The following SLC2A10 variants were observed in gnomAD, a reference collection of about 807,000 sequenced individuals.
SLC2A10 encodes solute carrier family 2 member 10.
In SLC2A10, 25 loss-of-function variants were observed where a neutral mutation model predicts 32.1. The observed-to-expected ratio is 0.78, with a 90% CI of 0.57 to 1.09. SLC2A10 has a LOEUF of 1.09. Among genes scored for constraint, SLC2A10 ranks in the 50% least tolerant of loss-of-function variants. The probability of loss-of-function intolerance (pLI) is 0.00; values close to 1 mark genes in which losing one functional copy is unlikely to be tolerated. For synonymous variants in SLC2A10, 332 were observed against 309.6 expected (o/e 1.07, Z -0.76); for missense variants, 673 against 686.5 (o/e 0.98, Z 0.22).
At chr20:46,712,654 T>TC (rs1439080798) in intron 1 of SLC2A10, among the ~76,000 whole-genome samples, 3 of 138,114 alleles carry the variant, frequency 2.2e-5, no homozygotes, top group African/African-American at 5.4e-5. Flanking sequence ...TTTCTTTCTT[T>TC]TTTTTTTTTT....
chr20:46,728,867 C>T (rs534960142), intron 3 of SLC2A10, among the ~76,000 whole-genome samples: 2 of 152,132 alleles, frequency 1.3e-5, no homozygotes, highest in South Asian at 4.2e-4. Flanking sequence ...TCAAGTGATC[C>T]TCCCACTTTG....
At chr20:46,716,836 A>T (rs1979272589) in intron 1 of SLC2A10, among the ~76,000 whole-genome samples, 1 of 152,114 alleles carries the variant, frequency 6.6e-6, no homozygotes, top group Admixed American at 6.5e-5. Flanking sequence ...CAGCCTGGCC[A>T]ACATGGTGAA....
At chr20:46,709,839 C>A (rs1978803926) in intron 1 of SLC2A10, 99 bp downstream of exon 1, 1 of 1,413,526 alleles carries the variant, frequency 7.1e-7, no homozygotes, top group Non-Finnish European at 9.7e-7. Flanking sequence ...CCCCTGGCTC[C>A]CCCAGGGCCG....
At chr20:46,709,828 C>T in intron 1 of SLC2A10, 88 bp downstream of exon 1, 1 of 1,461,144 alleles carries the variant, frequency 6.8e-7, no homozygotes, top group South Asian at 1.2e-5. Flanking sequence ...AGAGTGCGCG[C>T]CCCCTGGCTC....
intron 1 of SLC2A10, 115 bp downstream of exon 1, chr20:46,709,855 G>A (rs1978804827): frequency 7.8e-7 from 1 of 1,274,536 alleles, no homozygotes; most frequent in South Asian, 1.3e-5. Flanking sequence ...GGCCGCCCCG[G>A]CCGGATACCG....
At chr20:46,721,369 T>TA (rs1476617030) in intron 1 of SLC2A10, among the ~76,000 whole-genome samples, 1 of 151,754 alleles carries the variant, frequency 6.6e-6, no homozygotes, top group Non-Finnish European at 1.5e-5. Context: ...ATCTCTAAAT[T>TA]ATTGTCCTGT....
chr20:46,728,724 C>T (rs946964701), intron 3 of SLC2A10, among the ~76,000 whole-genome samples: 1 of 149,892 alleles, frequency 6.7e-6, no homozygotes, highest in Non-Finnish European at 1.5e-5. Context: ...CTCAAACAAT[C>T]CTCCAGCCTC....
chr20:46,708,432 G>A (rs1225194823), upstream of SLC2A10, among the ~76,000 whole-genome samples: 1 of 152,064 alleles, frequency 6.6e-6, no homozygotes, highest in Non-Finnish European at 1.5e-5. Flanking sequence ...CTGAATCCCA[G>A]GCTCATAGCC....
Position 46,725,329 on chromosome 20 carries a change from T to C in SLC2A10, c.293T>C (p.Leu98Pro), listed in dbSNP as rs1413981529. ...GSLTLGLAGS[L>P]AWLVLGRAVV... is the part of the protein sequence containing the mutation. ...CTGACCCTGGGCCTGGCTGGTTCCC[T>C]GGCCTGGCTGGTCCTGGGCCGCGCT... is the stretch of plus-strand genomic sequence containing the variant. Residue 98 changes from leucine (L) to proline (P), a missense_variant, in exon 2 of 5, where the codon CTG becomes CCG. Coordinates refer to ENST00000359271, the MANE Select transcript of SLC2A10 (RefSeq NM_030777.4). 11 of 1,614,016 alleles carry C rather than the reference T, an allele frequency of 6.8e-6. No individual in the cohort carries two copies. The highest frequency in any genetic ancestry group is 8.5e-6 in the Non-Finnish European group (10 of 1,180,030).
At chr20:46,732,128 G>A (rs1284535243) in intron 4 of SLC2A10, among the ~76,000 whole-genome samples, 2 of 152,174 alleles carry the variant, frequency 1.3e-5, no homozygotes, top group Admixed American at 1.3e-4. Flanking sequence ...TACATCTTAT[G>A]GATCCAGCTC....
chr20:46,725,880 G>GC lies in SLC2A10; in HGVS notation c.845dup (p.Ala283SerfsTer79). On this transcript the variant is annotated frameshift_variant, in exon 2 of 5. Transcript: ENST00000359271. LOFTEE classifies it high-confidence loss of function. ...TGTGGGGCTTGGCGCAGTGAAGGTG[G>GC]CAGCTACCCTGACCGCCATGGGGCT... 1.2e-6 allele frequency: 2 copies of GC among 1,614,214 alleles called. No individual in the cohort carries two copies. Among genetic ancestry groups the GC allele is most frequent in the Non-Finnish European group, 1.7e-6 (2 of 1,180,046 alleles).
In SLC2A10 at chr20:46,734,099, T is replaced by G. The variant is rs1166932320; in HGVS notation, c.*265T>G. On this transcript the variant is annotated 3_prime_UTR_variant, in exon 5 of 5. Transcript: ENST00000359271. ...TTGACTTGCACATCTCTGCAGTATTTATAAGAAGAATATTCTATGAAGTCT... is the reference window on the plus strand; with the variant it reads ...TTGACTTGCACATCTCTGCAGTATTGATAAGAAGAATATTCTATGAAGTCT... 1 of 543,980 alleles carries G rather than the reference T, an allele frequency of 1.8e-6. No individual in the cohort carries two copies. The highest frequency in any genetic ancestry group is 3.2e-5 in the East Asian group (1 of 30,790). 33.7% of individuals were successfully genotyped at this position (543,980 alleles called of 1,614,324 possible). A position where few individuals can be genotyped will look rare whatever the true frequency, so the allele number is the denominator to read the frequency against.
intron 1 of SLC2A10, among the ~76,000 whole-genome samples, chr20:46,716,278 C>T (rs551034892): frequency 1.3e-4 from 20 of 151,844 alleles, no homozygotes; most frequent in African/African-American, 4.3e-4. Flanking sequence ...CTCAGCCTCC[C>T]GAGTAGCTGG....
At chr20:46,716,065 C>T (rs1157861961) in intron 1 of SLC2A10, among the ~76,000 whole-genome samples, 2 of 152,000 alleles carry the variant, frequency 1.3e-5, no homozygotes, top group African/African-American at 4.8e-5. Flanking sequence ...CTACTTTTGA[C>T]CTTAAGTGAG....
chr20:46,721,485 A>T (rs933524209), intron 1 of SLC2A10, among the ~76,000 whole-genome samples: 9 of 151,864 alleles, frequency 5.9e-5, no homozygotes, highest in Admixed American at 1.3e-4. Flanking sequence ...TTTTTCCATG[A>T]GTCTGGAAAT....
At chr20:46,709,264 T>G (rs1325284466), upstream of SLC2A10, among the ~76,000 whole-genome samples, 1 of 107,984 alleles carries the variant, frequency 9.3e-6, no homozygotes, top group Non-Finnish European at 1.8e-5. Context: ...TGTAGATGTG[T>G]GTGTTGTGTG....
At position 46,734,049 on chromosome 20, in the gene SLC2A10, C is replaced by G; in HGVS notation, c.*215C>G. 1.6e-6 allele frequency: 1 copy of G among 613,500 alleles called. No homozygotes were observed. Among genetic ancestry groups the G allele is most frequent in the Non-Finnish European group, 2.9e-6 (1 of 341,756 alleles). 38.0% of individuals were successfully genotyped at this position (613,500 alleles called of 1,614,324 possible). A position where few individuals can be genotyped will look rare whatever the true frequency, so the allele number is the denominator to read the frequency against. On this transcript the variant is annotated 3_prime_UTR_variant, in exon 5 of 5. Transcript: ENST00000359271. The stretch of plus-strand genomic sequence containing the variant: ...TCAGGCCCTGAAGGTTCCTGAGGAT[C>G]TAGCTTCATGCCTCAGTTTCCCCAT...
At chr20:46,718,312 G>T (rs1316348720) in intron 1 of SLC2A10, among the ~76,000 whole-genome samples, 3 of 152,066 alleles carry the variant, frequency 2.0e-5, no homozygotes, top group Non-Finnish European at 4.4e-5. Flanking sequence ...TTGGATTTCT[G>T]TCTTTTCTCC....
In SLC2A10 at chr20:46,729,594, T is replaced by G. The variant is rs1198601471; in HGVS notation, c.1547+106T>G. On this transcript the variant is annotated intron_variant, in intron 4 of 4. Coordinates refer to ENST00000359271, the MANE Select transcript of SLC2A10 (RefSeq NM_030777.4). ...CTTTCCTTTTGCAAGCGGGCATTCCTCCTGTCTTCCTTATTGCCTGGGCAC... is the reference window on the plus strand; with the variant it reads ...CTTTCCTTTTGCAAGCGGGCATTCCGCCTGTCTTCCTTATTGCCTGGGCAC... The G allele has an allele frequency of 5.3e-5, 54 of 1,026,800 alleles. 3 individuals are homozygous for G. The South Asian group carries it at 6.4e-4, about 12-fold the overall frequency. 63.6% of individuals were successfully genotyped at this position (1,026,800 alleles called of 1,614,324 possible). A position where few individuals can be genotyped will look rare whatever the true frequency, so the allele number is the denominator to read the frequency against.
Sources: allele counts gnomAD v4.1 joint callset (sites outside exome capture counted in the v4.1 genomes callset), GRCh38; gene constraint gnomAD v4.1.1; transcripts MANE v1.5; gene names NCBI Gene and HGNC (gene_info 2026-07-23, HGNC 2026-07-21).